POT1: variants seen among roughly 807,000 people sequenced by gnomAD.
POT1 encodes the protein protection of telomeres protein 1.
POT1 carries 47 observed loss-of-function variants against 78.5 expected under a neutral mutation model. The ratio of observed to expected loss-of-function variants is 0.60; its 90% CI spans 0.47 to 0.76. POT1 has a LOEUF of 0.76. Ranked by LOEUF, POT1 falls within the 30% of genes least tolerant of loss-of-function variation. The pLI is 0.00. For missense variants in POT1, 646 were observed against 749.9 expected (o/e 0.86, Z 1.62); for synonymous variants, 259 against 260.7 (o/e 0.99, Z 0.06).
chr7:124,902,016 T>G (rs548705234), intron 3 of POT1, among the ~76,000 whole-genome samples: 1 of 152,196 alleles, frequency 6.6e-6, no homozygotes, highest in African/African-American at 2.4e-5. Flanking sequence ...CCAAGAAATA[T>G]GGGACTATAA....
At chr7:124,884,219 TG>T (rs1796190713) in intron 6 of POT1, among the ~76,000 whole-genome samples, 1 of 152,102 alleles carries the variant, frequency 6.6e-6, no homozygotes, top group African/African-American at 2.4e-5. Context: ...TTAGCTGGGA[TG>T]TTTTTATAGA....
At chr7:124,824,128 C>G in intron 18 of POT1, 54 bp from the exon 19 acceptor site, 1 of 1,119,896 alleles carries the variant, frequency 8.9e-7, no homozygotes, top group African/African-American at 1.6e-5. Context: ...AAATAAATAA[C>G]TCTGAAATAG....
chr7:124,859,809 TAGAGA>T (rs1257771302), intron 8 of POT1, among the ~76,000 whole-genome samples: 2 of 151,222 alleles, frequency 1.3e-5, no homozygotes, highest in African/African-American at 2.4e-5. Context: ...TATATACATT[TAGAGA>T]AAACTCAATT....
intron 9 of POT1, among the ~76,000 whole-genome samples, chr7:124,854,075 C>A (rs1795382896): frequency 6.6e-6 from 1 of 151,822 alleles, no homozygotes. Context: ...TAACAGACAT[C>A]TTACATAACA....
intron 6 of POT1, among the ~76,000 whole-genome samples, chr7:124,888,987 G>C (rs1796307852): frequency 6.6e-6 from 1 of 151,944 alleles, no homozygotes; most frequent in Non-Finnish European, 1.5e-5. Flanking sequence ...AAGTGTTCAA[G>C]TGAGAGAGTC....
chr7:124,871,727 T>TA (rs377444818), intron 6 of POT1, among the ~76,000 whole-genome samples: 1 of 104,388 alleles, frequency 9.6e-6, no homozygotes, highest in African/African-American at 3.6e-5. Flanking sequence ...GATCCTGCCT[T>TA]AAAATTTTTT....
At chr7:124,846,133 T>G (rs573178314) in intron 12 of POT1, among the ~76,000 whole-genome samples, 10 of 146,134 alleles carry the variant, frequency 6.8e-5, no homozygotes, top group African/African-American at 2.6e-4. Context: ...GAGAGAGAGA[T>G]AGGGTACATA....
chr7:124,861,322 T>C (rs527293547), intron 8 of POT1, among the ~76,000 whole-genome samples: 12 of 152,206 alleles, frequency 7.9e-5, no homozygotes, highest in Non-Finnish European at 7.4e-5. Flanking sequence ...TGGTATCTCA[T>C]TGTGGTTTTG....
intron 2 of POT1, among the ~76,000 whole-genome samples, chr7:124,927,545 T>C (rs1797304059): frequency 6.6e-6 from 1 of 152,192 alleles, no homozygotes; most frequent in Middle Eastern, 3.2e-3. Flanking sequence ...TTCTTACGTA[T>C]CAAAGACTCC....
intron 7 of POT1, among the ~76,000 whole-genome samples, chr7:124,866,774 G>A (rs1203946883): frequency 6.6e-6 from 1 of 152,120 alleles, no homozygotes; most frequent in Non-Finnish European, 1.5e-5. Flanking sequence ...CCCATTGTCC[G>A]ATGCCTAAAA....
At chr7:124,884,685 C>T (rs1415075627) in intron 6 of POT1, among the ~76,000 whole-genome samples, 1 of 152,072 alleles carries the variant, frequency 6.6e-6, no homozygotes, top group African/African-American at 2.4e-5. Flanking sequence ...TTTTGCCTCT[C>T]CCTTCCTCTA....
intron 15 of POT1, among the ~76,000 whole-genome samples, chr7:124,830,533 TA>T (rs1382612081): frequency 1.2e-4 from 19 of 152,200 alleles, no homozygotes; most frequent in Admixed American, 1.2e-3. Context: ...TGATTAGCAT[TA>T]GACATTATTA....
intron 6 of POT1, among the ~76,000 whole-genome samples, chr7:124,875,271 T>C (rs1411159740): frequency 2.6e-5 from 4 of 152,174 alleles, no homozygotes; most frequent in East Asian, 1.9e-4. Context: ...GAAATATAGA[T>C]ATTCATTATC....
chr7:124,854,589 C>G (rs1477767777), intron 9 of POT1, among the ~76,000 whole-genome samples: 1 of 151,900 alleles, frequency 6.6e-6, no homozygotes, highest in Non-Finnish European at 1.5e-5. Context: ...GGTGCTACTC[C>G]TTCATTCCCA....
rs1383259175 is a variant in POT1 at position 124,915,648 on chromosome 7, T to A, written c.-226-2A>T. 3.9e-5 allele frequency: 6 copies of A among 151,968 alleles called. No individual in the cohort carries two copies. Among genetic ancestry groups the A allele is most frequent in the African/African-American group, 1.4e-4 (6 of 41,384 alleles). 9.4% of individuals were successfully genotyped at this position (151,968 alleles called of 1,614,324 possible). On this transcript the variant is annotated splice_acceptor_variant, in intron 2 of 18. Transcript: ENST00000357628. LOFTEE classifies it low-confidence loss of function (5UTR_SPLICE). Reference sequence around the variant, plus strand: ...AGAAGAGATAAGTGAAAGTTTTCCCTGAAATGAGAAAAAAAAATAGTTACA... The same window carrying A: ...AGAAGAGATAAGTGAAAGTTTTCCCAGAAATGAGAAAAAAAAATAGTTACA...
At chr7:124,887,658 C>T (rs1258786354) in intron 6 of POT1, among the ~76,000 whole-genome samples, 1 of 152,082 alleles carries the variant, frequency 6.6e-6, no homozygotes, top group African/African-American at 2.4e-5. Context: ...CCATGTTTCA[C>T]TATTTAACAT....
rs1794566506 is a variant in POT1 at position 124,823,877 on chromosome 7, T to G, written c.*85A>C. The G allele has an allele frequency of 1.2e-6, 1 of 827,454 alleles. No individual in the cohort carries two copies. The highest frequency in any genetic ancestry group is 2.6e-5 in the East Asian group (1 of 37,960). 51.3% of individuals were successfully genotyped at this position (827,454 alleles called of 1,614,324 possible). On this transcript the variant is annotated 3_prime_UTR_variant, in exon 19 of 19. Transcript: ENST00000357628. ...CCCATGCTAACATCATCAACATTGC[T>G]GATACAAAACTCAGGTCAGGAAAAG...
chr7:124,829,769 C>T lies in POT1; in HGVS notation c.1506-427G>A, dbSNP rs1054571634. Reference sequence around the variant, plus strand: ...TAAGACAAGGTCTCACTCTGTCACCCAGGCACTGTCACCTCTGCCTCCTGG... The same window carrying T: ...TAAGACAAGGTCTCACTCTGTCACCTAGGCACTGTCACCTCTGCCTCCTGG... On this transcript the variant is annotated intron_variant, in intron 15 of 18. Transcript: ENST00000357628. Among the ~76,000 whole-genome samples the T allele has an allele frequency of 1.1e-4, 17 of 152,046 alleles. 1 individual carries two copies. The highest frequency in any genetic ancestry group is 4.1e-4 in the African/African-American group (17 of 41,468).
chr7:124,838,555 A>G (rs1402957269), intron 14 of POT1, among the ~76,000 whole-genome samples: 1 of 152,150 alleles, frequency 6.6e-6, no homozygotes, highest in Non-Finnish European at 1.5e-5. Context: ...TTCATCGTCA[A>G]TAACATCAAG....
Sources: allele counts gnomAD v4.1 joint callset (sites outside exome capture counted in the v4.1 genomes callset), GRCh38; gene constraint gnomAD v4.1.1; transcripts MANE v1.5; gene names NCBI Gene and HGNC (gene_info 2026-07-23, HGNC 2026-07-21).